Variants in SLC39A9 observed in about 807,000 individuals in gnomAD.
SLC39A9 encodes the protein solute carrier family 39 member 9.
Under a neutral mutation model 28.4 loss-of-function variants are expected in SLC39A9, and 14 were observed. That is an observed-to-expected ratio of 0.49 (90% CI 0.33 to 0.77). The LOEUF is 0.77. SLC39A9 is among the 30% of genes least tolerant of loss of function. The probability of loss-of-function intolerance (pLI) is 0.02; values close to 1 mark genes in which losing one functional copy is unlikely to be tolerated. For synonymous variants in SLC39A9, 119 were observed against 149.6 expected (o/e 0.80, Z 1.49); for missense variants, 283 against 381.1 (o/e 0.74, Z 2.14).
intron 1 of SLC39A9, among the ~76,000 whole-genome samples, chr14:69,414,285 T>C (rs1173402217): frequency 6.6e-6 from 1 of 152,184 alleles, no homozygotes; most frequent in African/African-American, 2.4e-5. Flanking sequence ...TTTCCTGCTT[T>C]TAAAACTTAT....
chr14:69,400,541 A>G (rs951779580), intron 1 of SLC39A9, among the ~76,000 whole-genome samples: 2 of 152,266 alleles, frequency 1.3e-5, no homozygotes, highest in African/African-American at 2.4e-5. Flanking sequence ...AGAGTTCAGC[A>G]GTAAAATAGG....
At chr14:69,448,227 AAAAAAAGCAC>A (rs1400803187) in intron 3 of SLC39A9, among the ~76,000 whole-genome samples, 3 of 150,882 alleles carry the variant, frequency 2.0e-5, no homozygotes, top group Non-Finnish European at 4.4e-5. Flanking sequence ...AAAAAAAAAA[AAAAAAAGCAC>A]AAAAAAAAAT....
chr14:69,419,364 G>A (rs1248052842), intron 1 of SLC39A9, among the ~76,000 whole-genome samples: 1 of 152,206 alleles, frequency 6.6e-6, no homozygotes, highest in Non-Finnish European at 1.5e-5. Flanking sequence ...TGGTCTGAGA[G>A]ACAGTTTATT....
At chr14:69,456,693 C>A (rs971514755) in intron 6 of SLC39A9, among the ~76,000 whole-genome samples, 1 of 152,192 alleles carries the variant, frequency 6.6e-6, no homozygotes, top group Non-Finnish European at 1.5e-5. Flanking sequence ...GGAGGAAAAT[C>A]TTAGAAGCAA....
At chr14:69,458,259 G>C (rs905657416) in intron 6 of SLC39A9, 104 bp from the exon 7 acceptor site, 2 of 1,450,994 alleles carry the variant, frequency 1.4e-6, no homozygotes, top group Admixed American at 1.9e-5. Flanking sequence ...CAGTGTCCTA[G>C]ACAGCACCAG....
In SLC39A9 at chr14:69,398,748, G is replaced by A; in HGVS notation, c.-622G>A. ...GTAGTATCGGCGACTCCGGGTCAAG[G>A]CCCGGTCGAGTGCAGTACCATGGGC... is the stretch of plus-strand genomic sequence containing the variant. On this transcript the variant is annotated 5_prime_UTR_variant, in exon 1 of 7. Coordinates refer to ENST00000336643, the MANE Select transcript of SLC39A9 (RefSeq NM_018375.5). The A allele has an allele frequency of 4.5e-6, 1 of 222,694 alleles. No homozygotes were observed. Among genetic ancestry groups the A allele is most frequent in the Non-Finnish European group, 9.1e-6 (1 of 109,330 alleles). 13.8% of individuals were successfully genotyped at this position (222,694 alleles called of 1,614,324 possible).
intron 1 of SLC39A9, among the ~76,000 whole-genome samples, chr14:69,410,059 T>A (rs975344219): frequency 1.3e-5 from 2 of 152,244 alleles, no homozygotes; most frequent in African/African-American, 4.8e-5. Context: ...TTCAATGGAT[T>A]TTTGTTTGTT....
intron 3 of SLC39A9, among the ~76,000 whole-genome samples, chr14:69,444,466 G>A (rs1885199182): frequency 6.6e-6 from 1 of 152,086 alleles, no homozygotes; most frequent in South Asian, 2.1e-4. Flanking sequence ...CTGAGATACC[G>A]TTTCTTACCT....
chr14:69,460,925 A>AGCAGCGT lies in SLC39A9; in HGVS notation c.*2334_*2340dup. The AGCAGCGT allele has an allele frequency of 1.0e-6, 1 of 985,634 alleles. No individual in the cohort carries two copies. Among genetic ancestry groups the AGCAGCGT allele is most frequent in the Non-Finnish European group, 1.2e-6 (1 of 830,090 alleles). 61.1% of individuals were successfully genotyped at this position (985,634 alleles called of 1,614,324 possible). ...TGCATCTTCAGGCAGCAGGGAACCA[A>AGCAGCGT]GCAGCGTGGCACAGGCCTTCTTGAC... On this transcript the variant is annotated 3_prime_UTR_variant, in exon 7 of 7. Transcript: ENST00000336643.
At chr14:69,457,175 C>CATAT (rs145943038) in intron 6 of SLC39A9, among the ~76,000 whole-genome samples, 69 of 150,708 alleles carry the variant, frequency 4.6e-4, no homozygotes, top group Admixed American at 1.1e-3. Context: ...ATGAGATATA[C>CATAT]ATATATATAC....
intron 1 of SLC39A9, among the ~76,000 whole-genome samples, chr14:69,418,419 G>A (rs1199676702): frequency 6.6e-6 from 1 of 152,042 alleles, no homozygotes; most frequent in Non-Finnish European, 1.5e-5. Context: ...AGGGATATTG[G>A]TCTAAAATTC....
At chr14:69,426,537 T>A (rs1222188667) in intron 2 of SLC39A9, among the ~76,000 whole-genome samples, 1 of 152,236 alleles carries the variant, frequency 6.6e-6, no homozygotes, top group East Asian at 1.9e-4. Flanking sequence ...GATGAATTCT[T>A]CACCTTTCTA....
At chr14:69,455,608 C>T in intron 5 of SLC39A9, 124 bp from the exon 6 acceptor site, 2 of 1,334,180 alleles carry the variant, frequency 1.5e-6, no homozygotes, top group East Asian at 4.7e-5. Context: ...GCATTAGCCA[C>T]TGTGCCTGGC....
At chr14:69,441,165 C>T (rs1885031298) in intron 2 of SLC39A9, among the ~76,000 whole-genome samples, 1 of 152,030 alleles carries the variant, frequency 6.6e-6, no homozygotes, top group African/African-American at 2.4e-5. Flanking sequence ...TGTGGTTTCC[C>T]AGTTACTTGG....
intron 2 of SLC39A9, among the ~76,000 whole-genome samples, chr14:69,438,043 C>A (rs1884865273): frequency 7.2e-6 from 1 of 139,746 alleles, no homozygotes; most frequent in Admixed American, 7.3e-5. Context: ...TTTTTTGAGA[C>A]AGAGTTTTGC....
intron 2 of SLC39A9, among the ~76,000 whole-genome samples, chr14:69,426,377 A>G (rs1884193408): frequency 6.6e-6 from 1 of 152,150 alleles, no homozygotes; most frequent in East Asian, 1.9e-4. Flanking sequence ...TACATTTACC[A>G]GTTTACTAAG....
rs1418931895 is a variant in SLC39A9 at position 69,401,376 on chromosome 14, A to G, written c.96+1911A>G. Among the ~76,000 whole-genome samples, 3 of 152,058 alleles carry G rather than the reference A, an allele frequency of 2.0e-5. No homozygotes were observed. In the East Asian group the frequency reaches 5.8e-4, roughly 29 times the overall value. The stretch of plus-strand genomic sequence containing the variant: ...GCTATGTTTCCTTTGACATAACCAT[A>G]TTTTCTTATAACTATATTAGAATTG... On this transcript the variant is annotated intron_variant, in intron 1 of 6. Coordinates refer to ENST00000336643, the MANE Select transcript of SLC39A9 (RefSeq NM_018375.5).
chr14:69,422,346 C>G (rs1350764261), intron 1 of SLC39A9, among the ~76,000 whole-genome samples: 1 of 152,146 alleles, frequency 6.6e-6, no homozygotes, highest in African/African-American at 2.4e-5. Context: ...CCTCACCCTC[C>G]CCATATCTGG....
intron 2 of SLC39A9, chr14:69,429,100 A>G (rs1360280969): frequency 6.6e-6 from 1 of 152,180 alleles, no homozygotes; most frequent in Admixed American, 6.5e-5. Context: ...AAATCTATAA[A>G]GGGTACCCAT....
Sources: gnomAD v4.1 joint callset for allele counts (sites outside exome capture counted in the v4.1 genomes callset) on GRCh38, gnomAD v4.1.1 for gene constraint, MANE v1.5 for transcripts, NCBI Gene and HGNC (gene_info 2026-07-23, HGNC 2026-07-21) for gene names.